Variants in FHIP1A observed in about 807,000 individuals in gnomAD.
The protein encoded by FHIP1A is FHF complex subunit HOOK-interacting protein 1A.
FHIP1A carries 61 observed loss-of-function variants against 88.6 expected under a neutral mutation model. The ratio of observed to expected loss-of-function variants is 0.69; its 90% CI spans 0.56 to 0.85. FHIP1A has a LOEUF of 0.85. FHIP1A is among the 40% of genes least tolerant of loss of function. The pLI, the probability that FHIP1A is intolerant of heterozygous loss-of-function variation, is 0.00. For synonymous variants in FHIP1A, 478 were observed against 496.0 expected (o/e 0.96, Z 0.48); for missense variants, 1,154 against 1,273.5 (o/e 0.91, Z 1.43).
chr4:151,487,333 CT>C (rs1730124640), intron 3 of FHIP1A, among the ~76,000 whole-genome samples: 4 of 151,426 alleles, frequency 2.6e-5, no homozygotes, highest in South Asian at 2.1e-4. Flanking sequence ...TTTTTTTTCT[CT>C]GTTCATCCCT....
Position 151,511,844 on chromosome 4 carries a change from G to A in FHIP1A, c.-123+29196G>A, listed in dbSNP as rs368666735. On this transcript the variant is annotated intron_variant, in intron 3 of 13. Coordinates refer to ENST00000435205, the MANE Select transcript of FHIP1A (RefSeq NM_001109977.3). The stretch of plus-strand genomic sequence containing the variant: ...AGGCCTGCCTGCCTCTGTAGGCTCC[G>A]CCTCTGGGGGCAGGGCACAGACAAA... Among the ~76,000 whole-genome samples, 505 of 152,364 alleles carry A rather than the reference G, an allele frequency of 3.3e-3. 2 individuals carry two copies. The highest frequency in any genetic ancestry group is 0.019 in the South Asian group (90 of 4,830).
At chr4:151,617,371 T>C (rs940374995) in intron 7 of FHIP1A, among the ~76,000 whole-genome samples, 4 of 152,160 alleles carry the variant, frequency 2.6e-5, no homozygotes, top group African/African-American at 7.2e-5. Flanking sequence ...GAACCTATCA[T>C]GGTCCCTGTG....
intron 1 of FHIP1A, among the ~76,000 whole-genome samples, chr4:151,439,535 C>G (rs1668658068): frequency 6.6e-6 from 1 of 152,070 alleles, no homozygotes; most frequent in South Asian, 2.1e-4. Flanking sequence ...GGAACTCCCC[C>G]TTCTGCCCCA....
intron 7 of FHIP1A, among the ~76,000 whole-genome samples, chr4:151,591,606 C>A (rs1734430989): frequency 6.6e-6 from 1 of 152,158 alleles, no homozygotes; most frequent in African/African-American, 2.4e-5. Context: ...CTCCCCTGGC[C>A]CCTGGCCCCC....
At chr4:151,646,533 A>AT in intron 9 of FHIP1A, 25 bp from the exon 10 acceptor site, 1 of 1,528,210 alleles carries the variant, frequency 6.5e-7, no homozygotes, top group Non-Finnish European at 8.9e-7. Flanking sequence ...CAGAGACCAA[A>AT]CGCTTGTTCT....
intron 3 of FHIP1A, among the ~76,000 whole-genome samples, chr4:151,511,282 T>C (rs1352642687): frequency 6.6e-6 from 1 of 152,238 alleles, no homozygotes; most frequent in Non-Finnish European, 1.5e-5. Context: ...AAAATATTCA[T>C]GAAATGCAAT....
intron 2 of FHIP1A, among the ~76,000 whole-genome samples, chr4:151,473,882 G>A (rs1199836267): frequency 6.6e-6 from 1 of 152,214 alleles, no homozygotes; most frequent in East Asian, 1.9e-4. Context: ...TGAGATGGAA[G>A]AGTCAGGCTC....
intron 3 of FHIP1A, among the ~76,000 whole-genome samples, chr4:151,525,259 C>G (rs558113498): frequency 9.2e-5 from 14 of 152,338 alleles, no homozygotes; most frequent in African/African-American, 2.4e-4. Flanking sequence ...CTTTCTTTCT[C>G]TCACTAAACT....
At chr4:151,532,745 A>C (rs1408600336) in intron 3 of FHIP1A, among the ~76,000 whole-genome samples, 1 of 152,142 alleles carries the variant, frequency 6.6e-6, no homozygotes, top group African/African-American at 2.4e-5. Context: ...AAATAGGTTT[A>C]ATTGGACTTA....
At position 151,647,777 on chromosome 4, in the gene FHIP1A, T is replaced by C. The variant is rs913341537; in HGVS notation, c.1417+1029T>C. On this transcript the variant is annotated intron_variant, in intron 10 of 13. Coordinates refer to ENST00000435205, the MANE Select transcript of FHIP1A (RefSeq NM_001109977.3). ...TTAAAAATTGGCGTCTTTCTAAATT[T>C]ACTATGAAAGTTTTTTCAAGAATGA... Among the ~76,000 whole-genome samples the C allele has an allele frequency of 6.6e-5, 10 of 152,344 alleles. No individual in the cohort carries two copies. The South Asian group carries it at 2.1e-3, about 32-fold the overall frequency.
chr4:151,603,854 A>G (rs1056780334), intron 7 of FHIP1A, among the ~76,000 whole-genome samples: 4 of 151,938 alleles, frequency 2.6e-5, no homozygotes, highest in Admixed American at 2.0e-4. Flanking sequence ...CAATAGTGTC[A>G]CTCTGGGTCT....
At chr4:151,587,776 T>G (rs895190334) in intron 6 of FHIP1A, among the ~76,000 whole-genome samples, 3 of 152,068 alleles carry the variant, frequency 2.0e-5, no homozygotes, top group African/African-American at 7.2e-5. Context: ...CCATCTCATT[T>G]TTATTGCTAA....
At chr4:151,649,165 C>T (rs970737090) in intron 10 of FHIP1A, among the ~76,000 whole-genome samples, 3 of 152,146 alleles carry the variant, frequency 2.0e-5, no homozygotes, top group South Asian at 2.1e-4. Context: ...TGAGAGATTG[C>T]GATCATCAGC....
chr4:151,507,943 A>G (rs138949102), intron 3 of FHIP1A, among the ~76,000 whole-genome samples: 1 of 152,250 alleles, frequency 6.6e-6, no homozygotes, highest in Non-Finnish European at 1.5e-5. Flanking sequence ...CTGAACTTAG[A>G]GTCTCTTTCT....
chr4:151,456,351 C>T (rs549755014), intron 2 of FHIP1A, among the ~76,000 whole-genome samples: 18 of 152,018 alleles, frequency 1.2e-4, no homozygotes, highest in African/African-American at 3.9e-4. Flanking sequence ...ACAGGGCCAG[C>T]GGGTGGTGGA....
intron 3 of FHIP1A, among the ~76,000 whole-genome samples, chr4:151,551,161 A>G (rs1732714256): frequency 1.3e-5 from 2 of 152,178 alleles, no homozygotes; most frequent in South Asian, 4.1e-4. Context: ...CAGTGCTATT[A>G]AAGCTTGAAA....
chr4:151,512,514 A>G (rs570100542), intron 3 of FHIP1A, among the ~76,000 whole-genome samples: 69 of 152,328 alleles, frequency 4.5e-4, no homozygotes, highest in Non-Finnish European at 8.2e-4. Flanking sequence ...GAGCTACAGG[A>G]GGAAATTCAA....
chr4:151,592,076 C>T (rs1734454624), intron 7 of FHIP1A, among the ~76,000 whole-genome samples: 1 of 152,184 alleles, frequency 6.6e-6, no homozygotes, highest in African/African-American at 2.4e-5. Context: ...AATTTACACT[C>T]CCGCCAACAG....
At chr4:151,645,528 T>C (rs1736758775) in intron 9 of FHIP1A, among the ~76,000 whole-genome samples, 1 of 151,376 alleles carries the variant, frequency 6.6e-6, no homozygotes, top group Non-Finnish European at 1.5e-5. Context: ...AAAACCTTAA[T>C]CTTAGCTTGT....
Sources: allele counts gnomAD v4.1 joint callset (sites outside exome capture counted in the v4.1 genomes callset), GRCh38; gene constraint gnomAD v4.1.1; transcripts MANE v1.5; gene names NCBI Gene and HGNC (gene_info 2026-07-23, HGNC 2026-07-21).